Variants in CSMD1 observed in about 807,000 individuals in gnomAD.
CSMD1 encodes CUB and sushi domain-containing protein 1.
CSMD1 carries 213 observed loss-of-function variants against 417.5 expected under a neutral mutation model. That is an observed-to-expected ratio of 0.51 (90% CI 0.46 to 0.57). The LOEUF is 0.57. CSMD1 is among the 20% of genes least tolerant of loss of function. CSMD1 has a pLI of 0.00. For missense variants in CSMD1, 6,923 were observed against 4,529.7 expected, an observed-to-expected ratio of 1.53 and a Z score of -15.17; for synonymous variants, 2,862 against 1,736.8, an observed-to-expected ratio of 1.65 and a Z score of -16.11.
intron 3 of CSMD1, among the ~76,000 whole-genome samples, chr8:4,165,385 A>C (rs1454911427): frequency 6.6e-6 from 1 of 152,248 alleles, no homozygotes. Context: ...TTACTAAAAG[A>C]TGTGCCATTT....
At position 3,708,488 on chromosome 8, in the gene CSMD1, T is replaced by C. The variant is rs777595446; in HGVS notation, c.935A>G (p.Lys312Arg). ...TCTTGACTTCAACTCAATCGCCTTTTTCACTGGAAGAAACAAAACCAAGCC... is the reference window on the plus strand; with the variant it reads ...TCTTGACTTCAACTCAATCGCCTTTCTCACTGGAAGAAACAAAACCAAGCC... ...RKGFNAQFQV[K>R]KAIELKSRGV... The change falls in exon 7 of 70, where the codon AAA becomes AGA. Residue 312 changes from lysine (K) to arginine (R), a missense_variant. Lys to Arg is a conservative substitution (Grantham distance 26, BLOSUM62 2). Transcript: ENST00000635120. 1.2e-6 allele frequency: 2 copies of C among 1,613,922 alleles called. No individual in the cohort carries two copies. Among genetic ancestry groups the C allele is most frequent in the Non-Finnish European group, 1.7e-6 (2 of 1,179,844 alleles).
intron 3 of CSMD1, among the ~76,000 whole-genome samples, chr8:4,207,319 G>A (rs1468404885): frequency 3.9e-5 from 6 of 152,024 alleles, no homozygotes; most frequent in Admixed American, 1.3e-4. Context: ...AACTTTTAGT[G>A]GCTAGGACTC....
chr8:4,263,320 C>G (rs111561110), intron 3 of CSMD1, among the ~76,000 whole-genome samples: 1 of 152,074 alleles, frequency 6.6e-6, no homozygotes, highest in Non-Finnish European at 1.5e-5. Context: ...CCAAAAGGGG[C>G]CTCTGTGACT....
chr8:3,905,361 A>C (rs570530220), intron 5 of CSMD1, among the ~76,000 whole-genome samples: 1 of 152,326 alleles, frequency 6.6e-6, no homozygotes, highest in East Asian at 1.9e-4. Flanking sequence ...ATCTAAAAAA[A>C]GTTCTTTAGA....
intron 12 of CSMD1, among the ~76,000 whole-genome samples, chr8:3,445,693 C>T (rs1335847916): frequency 6.6e-6 from 1 of 152,078 alleles, no homozygotes; most frequent in African/African-American, 2.4e-5. Flanking sequence ...CGAGAGGAAA[C>T]AAGGCCATGT....
chr8:4,927,741 G>C (rs1027101729), intron 1 of CSMD1, among the ~76,000 whole-genome samples: 1 of 152,094 alleles, frequency 6.6e-6, no homozygotes, highest in Non-Finnish European at 1.5e-5. Context: ...AACATAAATA[G>C]GACTTGGCAA....
At chr8:4,190,338 C>T (rs901783369) in intron 3 of CSMD1, among the ~76,000 whole-genome samples, 2 of 151,436 alleles carry the variant, frequency 1.3e-5, no homozygotes, top group African/African-American at 4.9e-5. Context: ...AAGTTAGGGG[C>T]CAGTTAACTT....
At chr8:4,010,463 C>A (rs1816458880) in intron 4 of CSMD1, among the ~76,000 whole-genome samples, 1 of 152,128 alleles carries the variant, frequency 6.6e-6, no homozygotes, top group African/African-American at 2.4e-5. Context: ...AACATAACCT[C>A]TTTGATTAAT....
chr8:4,402,862 C>G (rs913993767), intron 3 of CSMD1, among the ~76,000 whole-genome samples: 6 of 134,830 alleles, frequency 4.5e-5, no homozygotes, highest in African/African-American at 1.8e-4. Flanking sequence ...GCTCTGTTGC[C>G]AGGCTGGAGT....
chr8:4,016,998 A>C (rs951274557), intron 4 of CSMD1, among the ~76,000 whole-genome samples: 1 of 152,210 alleles, frequency 6.6e-6, no homozygotes, highest in Non-Finnish European at 1.5e-5. Context: ...ACAATAACAG[A>C]AATCATAGAA....
At chr8:3,728,600 G>T (rs1157227034) in intron 6 of CSMD1, among the ~76,000 whole-genome samples, 1 of 152,156 alleles carries the variant, frequency 6.6e-6, no homozygotes, top group Non-Finnish European at 1.5e-5. Flanking sequence ...ATTAACCAAA[G>T]AAAAAGGGCA....
chr8:3,173,734 A>G (rs1348791200), intron 37 of CSMD1, among the ~76,000 whole-genome samples: 3 of 152,102 alleles, frequency 2.0e-5, no homozygotes, highest in African/African-American at 4.8e-5. Context: ...TGCTTTCTCT[A>G]TTTATCATGT....
intron 1 of CSMD1, among the ~76,000 whole-genome samples, chr8:4,829,718 G>T (rs1333726166): frequency 6.8e-6 from 1 of 147,798 alleles, no homozygotes; most frequent in Non-Finnish European, 1.5e-5. Context: ...AGCTTGGATG[G>T]CAGAGTGAGA....
At chr8:4,805,823 A>T (rs1585129428) in intron 1 of CSMD1, among the ~76,000 whole-genome samples, 1 of 152,294 alleles carries the variant, frequency 6.6e-6, no homozygotes, top group South Asian at 2.1e-4. Flanking sequence ...GAACATGGAA[A>T]ACTCGAAAGT....
chr8:3,841,713 T>C (rs576948290), intron 5 of CSMD1, among the ~76,000 whole-genome samples: 31 of 152,230 alleles, frequency 2.0e-4, no homozygotes, highest in South Asian at 1.7e-3. Context: ...ATATATAATA[T>C]CAAAACTACA....
intron 5 of CSMD1, among the ~76,000 whole-genome samples, chr8:3,968,749 A>G (rs1052801828): frequency 6.6e-6 from 1 of 152,206 alleles, no homozygotes; most frequent in East Asian, 1.9e-4. Context: ...AGCAGCCTCA[A>G]CAACCAAAAT....
intron 4 of CSMD1, among the ~76,000 whole-genome samples, chr8:4,007,223 G>C (rs368051722): frequency 2.6e-5 from 4 of 152,088 alleles, no homozygotes; most frequent in Admixed American, 1.3e-4. Context: ...ATTCAAAGCT[G>C]TGAACTACTC....
rs183135027 is a variant in CSMD1 at position 4,587,130 on chromosome 8, T to C, written c.302+50212A>G. Among the ~76,000 whole-genome samples, 14 of 152,326 alleles carry C rather than the reference T, an allele frequency of 9.2e-5. No individual in the cohort carries two copies. The East Asian group carries it at 2.7e-3, about 29-fold the overall frequency. On this transcript the variant is annotated intron_variant, in intron 2 of 69. Transcript: ENST00000635120. ...AGGCCAATAGATTAGGTGCGCTCTC[T>C]TCTTCCACATTGATTTTTCTGCCCA... is the stretch of plus-strand genomic sequence containing the variant.
At chr8:4,311,402 G>C (rs887914989) in intron 3 of CSMD1, among the ~76,000 whole-genome samples, 1 of 152,162 alleles carries the variant, frequency 6.6e-6, no homozygotes, top group African/African-American at 2.4e-5. Context: ...TGCAGGAACA[G>C]AAAACCAAAT....
Sources: gnomAD v4.1 joint callset for allele counts (sites outside exome capture counted in the v4.1 genomes callset) on GRCh38, gnomAD v4.1.1 for gene constraint, MANE v1.5 for transcripts, NCBI Gene and HGNC (gene_info 2026-07-23, HGNC 2026-07-21) for gene names.